AGMO: variants seen among roughly 807,000 people sequenced by gnomAD.
The protein encoded by AGMO is glyceryl-ether monooxygenase.
A neutral mutation model predicts 60.2 loss-of-function variants in AGMO; 75 were observed. That is an observed-to-expected ratio of 1.25 (90% CI 1.03 to 1.51). AGMO has a LOEUF of 1.51. Among genes scored for constraint, AGMO ranks in the 40% most tolerant of loss-of-function variants. The pLI is 0.00. For missense variants in AGMO, 763 were observed against 525.5 expected (o/e 1.45, Z -4.42); for synonymous variants, 261 against 177.1 (o/e 1.47, Z -3.76).
At chr7:15,204,828 T>C (rs563321906) in intron 12 of AGMO, among the ~76,000 whole-genome samples, 77 of 152,262 alleles carry the variant, frequency 5.1e-4, no homozygotes, top group Non-Finnish European at 9.9e-4. Flanking sequence ...TGTTTTATTC[T>C]GCTGCTCCTC....
chr7:15,524,442 A>C (rs1231420021), intron 3 of AGMO, among the ~76,000 whole-genome samples: 1 of 152,198 alleles, frequency 6.6e-6, no homozygotes, highest in African/African-American at 2.4e-5. Context: ...GCTAAAGTTT[A>C]ATTGGTAATT....
chr7:15,202,165 A>G (rs752088060), intron 12 of AGMO, among the ~76,000 whole-genome samples: 11 of 152,202 alleles, frequency 7.2e-5, no homozygotes, highest in Non-Finnish European at 1.5e-4. Flanking sequence ...GAGTTTCTCT[A>G]TATTTTTCAT....
chr7:15,298,909 C>G (rs760095762), intron 12 of AGMO, among the ~76,000 whole-genome samples: 5 of 152,106 alleles, frequency 3.3e-5, no homozygotes, highest in Non-Finnish European at 5.9e-5. Flanking sequence ...CTTTGTCTCG[C>G]TCACAGTCAA....
At chr7:15,139,955 C>A in the AGMO span, among the ~76,000 whole-genome samples, 7 of 150,256 alleles carry the variant, frequency 4.7e-5, no homozygotes, top group African/African-American at 1.7e-4. Context: ...ATGTTAGAAC[C>A]TTATAATGGC....
At chr7:15,339,365 CAT>C (rs1781760493) in intron 12 of AGMO, among the ~76,000 whole-genome samples, 1 of 152,130 alleles carries the variant, frequency 6.6e-6, no homozygotes, top group Non-Finnish European at 1.5e-5. Context: ...AATTTGAAGA[CAT>C]GATTGTAATT....
intron 10 of AGMO, 34 bp from the exon 11 acceptor site, chr7:15,366,256 T>C (rs766073165): frequency 7.9e-6 from 12 of 1,524,394 alleles, no homozygotes; most frequent in South Asian, 2.4e-5. Context: ...ATGGAGCCGT[T>C]AGAAGAATTG....
At chr7:15,331,868 G>C (rs1781506594) in intron 12 of AGMO, among the ~76,000 whole-genome samples, 1 of 151,972 alleles carries the variant, frequency 6.6e-6, no homozygotes, top group Admixed American at 6.6e-5. Flanking sequence ...AGAGGTTGCA[G>C]TGAGCCAAGA....
chr7:15,362,231 T>G (rs1341265527), intron 12 of AGMO, among the ~76,000 whole-genome samples: 2 of 152,162 alleles, frequency 1.3e-5, no homozygotes, highest in African/African-American at 4.8e-5. Flanking sequence ...AACACAGATT[T>G]GAAATTCATA....
intron 3 of AGMO, among the ~76,000 whole-genome samples, chr7:15,459,407 G>A (rs955310929): frequency 6.6e-6 from 1 of 152,120 alleles, no homozygotes; most frequent in Non-Finnish European, 1.5e-5. Flanking sequence ...CTTTTTGCAA[G>A]GCCTCAGGAT....
chr7:15,275,524 T>C (rs1303876133), intron 12 of AGMO, among the ~76,000 whole-genome samples: 2 of 152,132 alleles, frequency 1.3e-5, no homozygotes, highest in Non-Finnish European at 2.9e-5. Flanking sequence ...TATTCTGTAG[T>C]TGTTGGAAAG....
At chr7:15,182,851 A>G in the AGMO span, among the ~76,000 whole-genome samples, 1 of 152,128 alleles carries the variant, frequency 6.6e-6, no homozygotes, top group East Asian at 1.9e-4. Flanking sequence ...GCTTCTGGGG[A>G]GGCCTCAGGA....
the AGMO span, among the ~76,000 whole-genome samples, chr7:15,126,752 C>T: frequency 2.0e-5 from 3 of 152,116 alleles, no homozygotes; most frequent in African/African-American, 7.2e-5. Context: ...GCAAAGCTGT[C>T]CCTTGTGGGA....
chr7:15,394,088 G>C (rs779303970), intron 6 of AGMO, 25 bp downstream of exon 6: 7 of 1,559,834 alleles, frequency 4.5e-6, no homozygotes, highest in Non-Finnish European at 6.2e-6. Flanking sequence ...ATGAAGAAAA[G>C]AGAGAAGAAA....
At chr7:15,413,268 A>G (rs192337475) in intron 5 of AGMO, among the ~76,000 whole-genome samples, 29 of 152,290 alleles carry the variant, frequency 1.9e-4, no homozygotes, top group Non-Finnish European at 4.1e-4. Context: ...TTGAAGACAA[A>G]TTAATATGTT....
chr7:15,205,353 AG>A (rs1781413488), intron 12 of AGMO, among the ~76,000 whole-genome samples: 1 of 152,196 alleles, frequency 6.6e-6, no homozygotes, highest in Non-Finnish European at 1.5e-5. Flanking sequence ...ATAAAATGAA[AG>A]CTTTAATGTA....
At chr7:15,347,256 G>A (rs1782067813) in intron 12 of AGMO, among the ~76,000 whole-genome samples, 1 of 151,844 alleles carries the variant, frequency 6.6e-6, no homozygotes, top group Non-Finnish European at 1.5e-5. Context: ...CTATTTCCTG[G>A]CTCTTCACTA....
chr7:15,384,433 C>T (rs1243704595), intron 10 of AGMO, among the ~76,000 whole-genome samples: 1 of 152,074 alleles, frequency 6.6e-6, no homozygotes, highest in Non-Finnish European at 1.5e-5. Flanking sequence ...CCTTAGGTGT[C>T]TTTCAATTTT....
chr7:15,433,284 T>C lies in AGMO; in HGVS notation c.410-2176A>G, dbSNP rs116483252. Among the ~76,000 whole-genome samples, 1,440 of 152,184 alleles carry C rather than the reference T, an allele frequency of 9.5e-3. 18 individuals are homozygous for C. The highest frequency in any genetic ancestry group is 0.033 in the African/African-American group (1,371 of 41,550). On this transcript the variant is annotated intron_variant, in intron 3 of 12. Coordinates refer to ENST00000342526, the MANE Select transcript of AGMO (RefSeq NM_001004320.2). ...ACAAAGAATCCACAAAGGTGGAGGT[T>C]AAAGATCTGTCTTTCTAGTTGTTTC... is the stretch of plus-strand genomic sequence containing the variant.
At position 15,418,590 on chromosome 7, in the gene AGMO, T is replaced by A; in HGVS notation, c.577A>T (p.Asn193Tyr). The change falls in exon 5 of 13, where the codon AAT becomes TAT. Residue 193 changes from asparagine (N) to tyrosine (Y), a missense_variant. Asn to Tyr is a moderately radical substitution (Grantham distance 143, BLOSUM62 -2). Coordinates refer to ENST00000342526, the MANE Select transcript of AGMO (RefSeq NM_001004320.2). ...PSVYAVHLQFNLLYQFWIHTE... is the reference protein window; with the variant it reads ...PSVYAVHLQFYLLYQFWIHTE... ...TGGATCCAAAATTGGTAAAGAAGAT[T>A]GAATTGAAGATGAACAGCATATACT... The A allele has an allele frequency of 6.3e-7, 1 of 1,589,856 alleles. No individual in the cohort carries two copies. The highest frequency in any genetic ancestry group is 8.5e-7 in the Non-Finnish European group (1 of 1,171,262).
Sources: gnomAD v4.1 joint callset for allele counts (sites outside exome capture counted in the v4.1 genomes callset) on GRCh38, gnomAD v4.1.1 for gene constraint, MANE v1.5 for transcripts, NCBI Gene and HGNC (gene_info 2026-07-23, HGNC 2026-07-21) for gene names.